MACF1: variants seen among roughly 807,000 people sequenced by gnomAD.
The protein encoded by MACF1 is microtubule-actin cross-linking factor 1.
Under a neutral mutation model 854.8 loss-of-function variants are expected in MACF1, and 193 were observed. The ratio of observed to expected loss-of-function variants is 0.23; its 90% confidence interval spans 0.20 to 0.25. The LOEUF (loss-of-function observed/expected upper bound fraction) is 0.25. Among genes scored for constraint, MACF1 ranks in the 10% least tolerant of loss-of-function variants. The pLI, the probability that MACF1 is intolerant of heterozygous loss-of-function variation, is 1.00. For synonymous variants in MACF1, 3,185 were observed against 3,226.7 expected, an observed-to-expected ratio of 0.99 and a Z score of 0.44; for missense variants, 7,722 against 8,929.1, an observed-to-expected ratio of 0.86 and a Z score of 5.45.
chr1:39,095,963 T>C (rs924700743), intron 2 of MACF1, among the ~76,000 whole-genome samples: 5 of 150,962 alleles, frequency 3.3e-5, no homozygotes, highest in Non-Finnish European at 7.4e-5. Flanking sequence ...GAGTCTGGGA[T>C]ATCAAGACCT....
rs767617826 is a variant in MACF1, at chr1:39,295,093, A to G, written c.2202A>G (p.Leu734=). 45 of 1,614,022 alleles carry G rather than the reference A, an allele frequency of 2.8e-5. No homozygotes were observed. The highest frequency in any genetic ancestry group is 3.3e-5 in the South Asian group (3 of 91,088). ...LEEKQDVFRS[L]QDTAELLSLE... is the part of the protein sequence containing the mutation. Reference sequence around the variant, plus strand: ...AGAAACAGGATGTGTTTCGTTCTCTACAAGATACAGCAGAACTACTTTCAC... The same window carrying G: ...AGAAACAGGATGTGTTTCGTTCTCTGCAAGATACAGCAGAACTACTTTCAC... The change falls in exon 19 of 101, where the codon CTA becomes CTG. Residue 734 remains leucine (L), a synonymous_variant. Transcript: ENST00000564288.
At chr1:39,450,937 A>G (rs1644331668) in intron 84 of MACF1, 115 bp from the exon 85 acceptor site, 1 of 1,209,086 alleles carries the variant, frequency 8.3e-7, no homozygotes, top group South Asian at 1.4e-5. Context: ...CTGTTCTAAC[A>G]TAGAAGTCAC....
chr1:39,203,730 G>C (rs1196264824), upstream of MACF1, among the ~76,000 whole-genome samples: 1 of 151,980 alleles, frequency 6.6e-6, no homozygotes, highest in African/African-American at 2.4e-5. Context: ...TTTTTATGTA[G>C]CATAATAGTT....
In MACF1 at chr1:39,439,318, A is replaced by G. The variant is rs1644052841; in HGVS notation, c.18265A>G (p.Ile6089Val). The change falls in exon 72 of 101, where the codon ATC becomes GTC. Residue 6089 changes from isoleucine to valine, a missense_variant. By Grantham distance (29) the Ile-to-Val change is conservative. This residue lies in a region of MACF1 where 2,807 missense variants were observed against 3,235.8 expected (regional missense o/e 0.87). Transcript: ENST00000564288. ...TCAAATGGTATTCTTCTGGGAGGAC[A>G]TCAAAGCTCGGGCTGAAGAACGAGA... ...LDQMVFFWEDIKARAEEREIK... is the reference protein window; with the variant it reads ...LDQMVFFWEDVKARAEEREIK... The G allele has an allele frequency of 6.2e-7, 1 of 1,613,986 alleles. No homozygotes were observed. The highest frequency in any genetic ancestry group is 1.3e-5 in the African/African-American group (1 of 74,924).
At position 39,322,928 on chromosome 1, in the gene MACF1, C is replaced by A. The variant is rs202118871; in HGVS notation, c.4156C>A (p.Arg1386Ser). Residue 1386 changes from arginine (R) to serine (S), a missense_variant, in exon 33 of 101, where the codon CGC becomes AGC. By Grantham distance (110) the Arg-to-Ser change is moderately radical (BLOSUM62 -1). This residue lies in a region of MACF1 where 1,137 missense variants were observed against 1,263.0 expected (regional missense o/e 0.90). Coordinates refer to ENST00000564288, the MANE Select transcript of MACF1 (RefSeq NM_001394062.1). ...ACCACAGTTCATGGACTTAAGGACT[C>A]GCTACACGGCATTGGTGACTTTAAC... Reference protein sequence around the residue: ...ITQEFMDLRTRYTALVTLTTQ... With the variant: ...ITQEFMDLRTSYTALVTLTTQ... The A allele has an allele frequency of 1.2e-6, 2 of 1,614,014 alleles. No individual in the cohort carries two copies. Among genetic ancestry groups the A allele is most frequent in the East Asian group, 4.5e-5 (2 of 44,884 alleles).
intron 2 of MACF1, among the ~76,000 whole-genome samples, chr1:39,101,914 C>T (rs2148132089): frequency 6.6e-6 from 1 of 151,660 alleles, no homozygotes; most frequent in South Asian, 2.1e-4. Context: ...CGGTGGCTCG[C>T]GCCTGTAATC....
intron 58 of MACF1, among the ~76,000 whole-genome samples, chr1:39,415,272 A>G (rs755359807): frequency 6.6e-6 from 1 of 151,866 alleles, no homozygotes; most frequent in Non-Finnish European, 1.5e-5. Context: ...TTTCTTCATT[A>G]TAAAACAAGA....
At chr1:39,197,491 A>G (rs1239766242) in intron 2 of MACF1, among the ~76,000 whole-genome samples, 1 of 152,218 alleles carries the variant, frequency 6.6e-6, no homozygotes, top group Non-Finnish European at 1.5e-5. Context: ...TACTGATGCC[A>G]GAAGCTCCTA....
At position 39,388,462 on chromosome 1, in the gene MACF1, A is replaced by G; in HGVS notation, c.15620A>G (p.Lys5207Arg). 1 of 1,614,166 alleles carries G rather than the reference A, an allele frequency of 6.2e-7. No individual in the cohort carries two copies. Among genetic ancestry groups the G allele is most frequent in the Non-Finnish European group, 8.5e-7 (1 of 1,180,032 alleles). ...GLKRELEALN[K>R]QCGKLTERGK... is the part of the protein sequence containing the mutation. The stretch of plus-strand genomic sequence containing the variant: ...AAAAGGGAGCTAGAAGCCCTGAACA[A>G]ACAGTGTGGCAAACTGACAGAGAGG... Residue 5207 changes from lysine (K) to arginine (R), a missense_variant, in exon 58 of 101, where the codon AAA (lysine) becomes AGA (arginine). Physicochemically the swap from Lys to Arg is conservative, Grantham distance 26 (BLOSUM62 2). This residue lies in a region of MACF1 where 2,807 missense variants were observed against 3,235.8 expected (regional missense o/e 0.87). Coordinates refer to ENST00000564288, the MANE Select transcript of MACF1 (RefSeq NM_001394062.1).
At chr1:39,212,608 TCAA>T (rs1571179860) in intron 1 of MACF1, among the ~76,000 whole-genome samples, 1 of 152,266 alleles carries the variant, frequency 6.6e-6, no homozygotes, top group East Asian at 1.9e-4. Context: ...AAATCTCTGG[TCAA>T]CCAGTTAAGT....
Position 39,324,355 on chromosome 1 carries a change from A to T in MACF1, c.4389+10A>T. 6.2e-7 allele frequency: 1 copy of T among 1,613,206 alleles called. No homozygotes were observed. Among genetic ancestry groups the T allele is most frequent in the Non-Finnish European group, 8.5e-7 (1 of 1,179,564 alleles). Reference sequence around the variant, plus strand: ...TATTTTGGAACAGCAGGTGAGAAGAAGGTCCATCTCTGTTTACCTGGGTAG... The same window carrying T: ...TATTTTGGAACAGCAGGTGAGAAGATGGTCCATCTCTGTTTACCTGGGTAG... On this transcript the variant is annotated intron_variant, in intron 34 of 100. Coordinates refer to ENST00000564288, the MANE Select transcript of MACF1 (RefSeq NM_001394062.1).
intron 2 of MACF1, among the ~76,000 whole-genome samples, chr1:39,170,761 G>A (rs1013873611): frequency 1.1e-4 from 16 of 152,186 alleles, no homozygotes; most frequent in Admixed American, 2.6e-4. Context: ...TCATTTAGAG[G>A]CATTTTTGAA....
At chr1:39,135,759 T>C (rs1643150816) in intron 2 of MACF1, among the ~76,000 whole-genome samples, 1 of 152,046 alleles carries the variant, frequency 6.6e-6, no homozygotes, top group African/African-American at 2.4e-5. Flanking sequence ...GAAAAAAAAA[T>C]TGCCTCCTAG....
intron 14 of MACF1, among the ~76,000 whole-genome samples, chr1:39,286,411 G>GA (rs1207077893): frequency 6.6e-6 from 1 of 151,720 alleles, no homozygotes; most frequent in Non-Finnish European, 1.5e-5. Context: ...TTATAGGGGG[G>GA]AAAATTGAGA....
At chr1:39,383,969 G>A (rs921018018) in intron 56 of MACF1, among the ~76,000 whole-genome samples, 7 of 152,000 alleles carry the variant, frequency 4.6e-5, no homozygotes, top group Non-Finnish European at 7.4e-5. Flanking sequence ...TTACAATATC[G>A]AATGCCATGT....
chr1:39,436,459 G>A (rs1356309351), intron 70 of MACF1: 1 of 1,613,828 alleles, frequency 6.2e-7, no homozygotes, highest in African/African-American at 1.3e-5. Context: ...TCATTGTTGT[G>A]TTGACCGCGC....
Position 39,318,594 on chromosome 1 carries a change from G to T in MACF1, c.3924G>T (p.Ser1308=). 1 of 1,612,482 alleles carries T rather than the reference G, an allele frequency of 6.2e-7. No homozygotes were observed. Residue 1308 remains serine (S), a synonymous_variant, in exon 30 of 101, where the codon TCG becomes TCT. Coordinates refer to ENST00000564288, the MANE Select transcript of MACF1 (RefSeq NM_001394062.1). ...PGQAEDSRVL[S]EQLSQQTALF... The stretch of plus-strand genomic sequence containing the variant: ...AGGCAGAGGATAGCAGAGTGCTTTC[G>T]GAGCAGCTCAGCCAGCAGACGGTGA...
Position 39,448,605 on chromosome 1 carries a change from G to A in MACF1, c.20100G>A (p.Lys6700=), listed in dbSNP as rs373353949. The change falls in exon 84 of 101, where the codon AAG becomes AAA. Residue 6700 remains lysine (K), a synonymous_variant. Transcript: ENST00000564288. ...TTCTGGAAACATAGGAGTTTCAGAA[G>A]ACTCTTGGTGGCAAGCAGCCTGTGT... ...LQLSKHKEFQ[K]TLGGKQPVYD... The A allele has an allele frequency of 7.4e-5, 113 of 1,525,992 alleles. No homozygotes were observed. Among genetic ancestry groups the A allele is most frequent in the Middle Eastern group, 3.5e-4 (2 of 5,688 alleles). The allele number at this position is 1,525,992 out of a possible 1,614,324, so 94.5% of individuals were successfully genotyped here. A position where few individuals can be genotyped will look rare whatever the true frequency, so the allele number is the denominator to read the frequency against.
At chr1:39,099,923 T>A (rs905502090) in intron 2 of MACF1, among the ~76,000 whole-genome samples, 7 of 152,094 alleles carry the variant, frequency 4.6e-5, no homozygotes, top group Admixed American at 2.6e-4. Flanking sequence ...CTATAAAAAA[T>A]TTTTTTAAAA....
Sources: allele counts gnomAD v4.1 joint callset (sites outside exome capture counted in the v4.1 genomes callset), GRCh38; gene constraint gnomAD v4.1.1; regional missense constraint gnomAD v4.1.1; transcripts MANE v1.5; gene names NCBI Gene and HGNC (gene_info 2026-07-23, HGNC 2026-07-21).